The following NAALADL2 variants were observed in gnomAD, a reference collection of about 807,000 sequenced individuals.
The protein encoded by NAALADL2 is N-acetylated alpha-linked acidic dipeptidase like 2.
Under a neutral mutation model 87.2 loss-of-function variants are expected in NAALADL2, and 76 were observed. The ratio of observed to expected loss-of-function variants is 0.87; its 90% CI spans 0.72 to 1.05. The LOEUF (loss-of-function observed/expected upper bound fraction) is 1.05, where lower values mean the gene tolerates loss of function less well. Ranked by LOEUF, NAALADL2 falls within the 50% of genes least tolerant of loss-of-function variation. NAALADL2 has a pLI of 0.00. For missense variants in NAALADL2, 1,089 were observed against 945.8 expected (o/e 1.15, Z -1.99); for synonymous variants, 354 against 331.0 (o/e 1.07, Z -0.75).
At chr3:174,521,384 G>C (rs920598685) in intron 1 of NAALADL2, among the ~76,000 whole-genome samples, 1 of 151,882 alleles carries the variant, frequency 6.6e-6, no homozygotes, top group African/African-American at 2.4e-5. Context: ...TGGCCAACAT[G>C]GTGAAACTCC....
intron 11 of NAALADL2, among the ~76,000 whole-genome samples, chr3:175,633,995 A>G (rs1427290483): frequency 6.6e-6 from 1 of 151,880 alleles, no homozygotes; most frequent in Non-Finnish European, 1.5e-5. Flanking sequence ...ATTAAGTTTC[A>G]GAATAAGAAA....
intron 5 of NAALADL2, among the ~76,000 whole-genome samples, chr3:175,393,293 A>AAAAT: frequency 2.1e-5 from 3 of 146,048 alleles, no homozygotes; most frequent in Non-Finnish European, 4.5e-5. Context: ...AAAAAAAAAA[A>AAAAT]AAAAAAAAAA....
At chr3:174,763,362 G>A (rs917905333) in intron 3 of NAALADL2, among the ~76,000 whole-genome samples, 1 of 152,036 alleles carries the variant, frequency 6.6e-6, no homozygotes, top group Admixed American at 6.6e-5. Flanking sequence ...GCTGAGGCAG[G>A]TAGATTATGA....
At chr3:174,632,465 CA>C (rs1428671215) in intron 2 of NAALADL2, among the ~76,000 whole-genome samples, 4 of 151,700 alleles carry the variant, frequency 2.6e-5, no homozygotes, top group African/African-American at 7.3e-5. Flanking sequence ...TCTATAAAAG[CA>C]AAAAATAGAA....
At chr3:175,703,466 G>T (rs922440922) in intron 11 of NAALADL2, among the ~76,000 whole-genome samples, 1 of 152,118 alleles carries the variant, frequency 6.6e-6, no homozygotes, top group African/African-American at 2.4e-5. Context: ...AAGTTGGCCG[G>T]GCATGGTGGC....
intron 1 of NAALADL2, among the ~76,000 whole-genome samples, chr3:175,032,715 C>A (rs1752946295): frequency 6.6e-6 from 1 of 151,886 alleles, no homozygotes; most frequent in Admixed American, 6.6e-5. Context: ...ATATATATAT[C>A]ATTTCCTTCA....
chr3:175,011,558 T>G (rs1228667846), intron 1 of NAALADL2, among the ~76,000 whole-genome samples: 1 of 152,160 alleles, frequency 6.6e-6, no homozygotes, highest in Non-Finnish European at 1.5e-5. Context: ...GTAGCTCCAG[T>G]TGAGTCTGAA....
intron 5 of NAALADL2, among the ~76,000 whole-genome samples, chr3:175,408,674 A>T (rs1712888549): frequency 6.6e-6 from 1 of 152,036 alleles, no homozygotes; most frequent in African/African-American, 2.4e-5. Flanking sequence ...ATGGTAAAAT[A>T]GATTGGTCTT....
At chr3:174,644,974 G>T (rs1007714840) in intron 2 of NAALADL2, among the ~76,000 whole-genome samples, 1 of 152,178 alleles carries the variant, frequency 6.6e-6, no homozygotes, top group Admixed American at 6.5e-5. Context: ...GCCGTGATGG[G>T]AATATTTTCT....
intron 4 of NAALADL2, among the ~76,000 whole-genome samples, chr3:175,267,666 A>G (rs528642222): frequency 3.0e-4 from 46 of 152,250 alleles, no homozygotes; most frequent in Admixed American, 2.2e-3. Context: ...AGAGGTACCT[A>G]GAGACATTCT....
chr3:175,088,509 A>G, intron 1 of NAALADL2, among the ~76,000 whole-genome samples: 1 of 152,334 alleles, frequency 6.6e-6, no homozygotes, highest in Non-Finnish European at 1.5e-5. Flanking sequence ...TGTGGGCCTT[A>G]AATAGTCTTT....
At chr3:174,716,197 G>T (rs1031756195) in intron 2 of NAALADL2, among the ~76,000 whole-genome samples, 3 of 152,020 alleles carry the variant, frequency 2.0e-5, no homozygotes, top group Non-Finnish European at 4.4e-5. Flanking sequence ...CTCTGATGAA[G>T]GGCACAGCTC....
At chr3:174,504,350 A>AGT (rs1464779834) in intron 1 of NAALADL2, among the ~76,000 whole-genome samples, 1 of 152,100 alleles carries the variant, frequency 6.6e-6, no homozygotes, top group Non-Finnish European at 1.5e-5. Flanking sequence ...AGGAATATGG[A>AGT]GTGATACACT....
At chr3:174,942,624 T>A (rs913955018) in intron 1 of NAALADL2, among the ~76,000 whole-genome samples, 7 of 152,178 alleles carry the variant, frequency 4.6e-5, no homozygotes, top group Non-Finnish European at 8.8e-5. Flanking sequence ...TTCTGAAATA[T>A]GTTTTCCAAG....
chr3:175,716,204 G>A (rs1356082394), intron 11 of NAALADL2, among the ~76,000 whole-genome samples: 2 of 142,524 alleles, frequency 1.4e-5, no homozygotes, highest in Non-Finnish European at 3.0e-5. Flanking sequence ...ATAATATATT[G>A]GAATACATAT....
exon 2 of NAALADL2, chr3:174,550,570 A>G (rs1461414864): frequency 6.6e-6 from 1 of 151,764 alleles, no homozygotes; most frequent in African/African-American, 2.4e-5. Context: ...GTTTTTTAGG[A>G]GGCTGAGGGA....
At chr3:175,744,727 A>G (rs539003000) in intron 12 of NAALADL2, among the ~76,000 whole-genome samples, 1 of 152,330 alleles carries the variant, frequency 6.6e-6, no homozygotes, top group East Asian at 1.9e-4. Flanking sequence ...AATGGAATAC[A>G]GTAAAGGGCT....
At chr3:175,166,991 C>A (rs1004932327) in intron 2 of NAALADL2, among the ~76,000 whole-genome samples, 12 of 152,068 alleles carry the variant, frequency 7.9e-5, no homozygotes, top group African/African-American at 2.9e-4. Flanking sequence ...GAATATGCTG[C>A]TTTACATCCA....
intron 3 of NAALADL2, among the ~76,000 whole-genome samples, chr3:174,793,271 A>G (rs546875840): frequency 1.1e-4 from 17 of 152,280 alleles, no homozygotes; most frequent in African/African-American, 3.4e-4. Flanking sequence ...GGGTTCATAT[A>G]TATAAAAACT....
Sources: gnomAD v4.1 joint callset for allele counts (sites outside exome capture counted in the v4.1 genomes callset) on GRCh38, gnomAD v4.1.1 for gene constraint, MANE v1.5 for transcripts, NCBI Gene and HGNC (gene_info 2026-07-23, HGNC 2026-07-21) for gene names.